IDE: variants seen among roughly 807,000 people sequenced by gnomAD.
IDE encodes insulin degrading enzyme.
A neutral mutation model predicts 133.2 loss-of-function variants in IDE; 58 were observed. The ratio of observed to expected loss-of-function variants is 0.44; its 90% CI spans 0.35 to 0.54. IDE has a LOEUF of 0.54. Ranked by LOEUF, IDE falls within the 20% of genes least tolerant of loss-of-function variation. The probability of loss-of-function intolerance (pLI) is 0.00; values close to 1 mark genes in which losing one functional copy is unlikely to be tolerated. For synonymous variants in IDE, 396 were observed against 421.3 expected, an observed-to-expected ratio of 0.94 and a Z score of 0.73; for missense variants, 981 against 1,234.0, an observed-to-expected ratio of 0.79 and a Z score of 3.07.
chr10:92,548,642 T>A (rs1479808694), intron 1 of IDE, among the ~76,000 whole-genome samples: 1 of 152,164 alleles, frequency 6.6e-6, no homozygotes, highest in Non-Finnish European at 1.5e-5. Flanking sequence ...TTACCAGCAT[T>A]CTTAACACAT....
At chr10:92,548,051 T>A (rs1267963752) in intron 1 of IDE, among the ~76,000 whole-genome samples, 4 of 152,112 alleles carry the variant, frequency 2.6e-5, no homozygotes, top group Non-Finnish European at 5.9e-5. Flanking sequence ...TGGCCTCATC[T>A]AGTTTTGACA....
intron 19 of IDE, among the ~76,000 whole-genome samples, chr10:92,468,486 G>A (rs1845804795): frequency 6.6e-6 from 1 of 152,054 alleles, no homozygotes; most frequent in Admixed American, 6.5e-5. Context: ...CTGCACCTGT[G>A]GGTTTCCTAA....
intron 1 of IDE, among the ~76,000 whole-genome samples, chr10:92,564,710 A>C (rs1242851502): frequency 2.5e-5 from 3 of 121,968 alleles, no homozygotes; most frequent in South Asian, 2.6e-4. Flanking sequence ...AAAAAAAAAA[A>C]CTGAAACTGT....
rs76587725 is a variant in IDE at position 92,470,298 on chromosome 10, G to C, written c.2164C>G (p.Arg722Gly). 1 of 1,605,890 alleles carries C rather than the reference G, an allele frequency of 6.2e-7. No homozygotes were observed. The highest frequency in any genetic ancestry group is 1.7e-5 in the Admixed American group (1 of 58,866). The change falls in exon 18 of 25, where the codon CGG (arginine) becomes GGG (glycine). Residue 722 changes from arginine to glycine, a missense_variant. Arg to Gly is a moderately radical substitution (Grantham distance 125). Coordinates refer to ENST00000265986, the MANE Select transcript of IDE (RefSeq NM_004969.4). The stretch of plus-strand genomic sequence containing the variant: ...TGGAGAAGGGCTTCAATGTGCAGCC[G>C]TGACAGGAGCTGAGGTATGAAGGCC... The part of the protein sequence containing the change: ...LKAFIPQLLS[R>G]LHIEALLHGN...
intron 1 of IDE, among the ~76,000 whole-genome samples, chr10:92,544,424 C>T (rs929732258): frequency 5.9e-5 from 9 of 152,130 alleles, no homozygotes; most frequent in African/African-American, 1.4e-4. Context: ...TCAGTCAGTG[C>T]TTGCATACTA....
intron 1 of IDE, among the ~76,000 whole-genome samples, chr10:92,566,396 C>T (rs1307285686): frequency 2.2e-5 from 3 of 135,964 alleles, no homozygotes; most frequent in Non-Finnish European, 3.1e-5. Flanking sequence ...CTATCTCTCT[C>T]TCTCTCTCTC....
intron 1 of IDE, among the ~76,000 whole-genome samples, chr10:92,565,285 G>C (rs144942223): frequency 9.4e-4 from 141 of 149,408 alleles, no homozygotes; most frequent in African/African-American, 3.4e-3. Flanking sequence ...TGGGCATGGT[G>C]GTGGGCACCT....
chr10:92,557,874 C>CAAAAAAAAAAAAAAAAAAAAAAAAAAA (rs3051565), intron 1 of IDE, among the ~76,000 whole-genome samples: 2 of 108,340 alleles, frequency 1.8e-5, no homozygotes, highest in Non-Finnish European at 3.6e-5. Flanking sequence ...GATTCCACCT[C>CAAAAAAAAAAAAAAAAAAAAAAAAAAA]AAAAAAAAAA....
chr10:92,490,137 C>T (rs1230767374), intron 12 of IDE, among the ~76,000 whole-genome samples: 2 of 152,248 alleles, frequency 1.3e-5, no homozygotes, highest in African/African-American at 2.4e-5. Flanking sequence ...CCTGTGTTCA[C>T]AGCAAGACTG....
chr10:92,549,690 T>C (rs1198990751), intron 1 of IDE, among the ~76,000 whole-genome samples: 1 of 151,942 alleles, frequency 6.6e-6, no homozygotes, highest in African/African-American at 2.4e-5. Flanking sequence ...ATATACTTGT[T>C]TAGGGAATAA....
rs74151649 is a variant in IDE, at chr10:92,546,131, A to C, written c.99-8581T>G. On this transcript the variant is annotated intron_variant, in intron 1 of 24. Coordinates refer to ENST00000265986, the MANE Select transcript of IDE (RefSeq NM_004969.4). ...TCTCACTAATATAGGGTTGAGTGAA[A>C]GAGGCTAGACACAAAAGAGTAAATA... Among the ~76,000 whole-genome samples the C allele has an allele frequency of 8.2e-3, 1,245 of 152,344 alleles. 19 individuals are homozygous for C. Among genetic ancestry groups the C allele is most frequent in the African/African-American group, 0.029 (1,187 of 41,574 alleles).
chr10:92,509,939 AC>A (rs1188327728), intron 6 of IDE, 110 bp downstream of exon 6: 458 of 548,104 alleles, frequency 8.4e-4, no homozygotes, highest in African/African-American at 5.1e-3. Flanking sequence ...AAAAAAAAAA[AC>A]ACAACATAAA....
chr10:92,501,266 G>T (rs2135510469), intron 11 of IDE, among the ~76,000 whole-genome samples: 1 of 148,142 alleles, frequency 6.8e-6, no homozygotes, highest in East Asian at 2.0e-4. Flanking sequence ...GGAGGCTGAG[G>T]CATGAGAATT....
At chr10:92,520,879 T>C (rs1589464232) in intron 4 of IDE, among the ~76,000 whole-genome samples, 2 of 152,126 alleles carry the variant, frequency 1.3e-5, no homozygotes, top group African/African-American at 4.8e-5. Context: ...AGAAAAAAGA[T>C]AGTAACAAAA....
chr10:92,467,595 G>A (rs1475658225), intron 19 of IDE, among the ~76,000 whole-genome samples: 2 of 152,220 alleles, frequency 1.3e-5, no homozygotes, highest in African/African-American at 2.4e-5. Context: ...CAGAAAGAGG[G>A]AAGTAGAGTC....
intron 4 of IDE, among the ~76,000 whole-genome samples, chr10:92,526,746 TG>T (rs1042003379): frequency 3.5e-5 from 5 of 144,638 alleles, no homozygotes; most frequent in Non-Finnish European, 6.0e-5. Context: ...CTTGGGAGGC[TG>T]GGGTAGGAGG....
chr10:92,530,226 CAATAAATA>C (rs200517884), intron 4 of IDE, among the ~76,000 whole-genome samples: 15 of 149,736 alleles, frequency 1.0e-4, no homozygotes, highest in South Asian at 4.2e-4. Flanking sequence ...GACTCCGTCT[CAATAAATA>C]AATAAATAAA....
At chr10:92,555,497 CAA>C (rs71306837) in intron 1 of IDE, among the ~76,000 whole-genome samples, 99 of 91,914 alleles carry the variant, frequency 1.1e-3, no homozygotes, top group African/African-American at 2.9e-3. Flanking sequence ...AACTTTGTCT[CAA>C]AAAAAAAAAA....
In IDE at chr10:92,506,556, C is replaced by T. The variant is rs899622440; in HGVS notation, c.1246-34G>A. On this transcript the variant is annotated intron_variant, in intron 9 of 24. Transcript: ENST00000265986. ...GAAAGTTAATCCAATTAGATACGGC[C>T]ACCCTTATTTAGAAACCTTTTTTTT... is the stretch of plus-strand genomic sequence containing the variant. 3 of 1,047,412 alleles carry T rather than the reference C, an allele frequency of 2.9e-6. No homozygotes were observed. In the African/African-American group the frequency reaches 4.8e-5, roughly 17 times the overall value. 64.9% of individuals were successfully genotyped at this position (1,047,412 alleles called of 1,614,324 possible). A position where few individuals can be genotyped will look rare whatever the true frequency, so the allele number is the denominator to read the frequency against.
Sources: gnomAD v4.1 joint callset for allele counts (sites outside exome capture counted in the v4.1 genomes callset) on GRCh38, gnomAD v4.1.1 for gene constraint, MANE v1.5 for transcripts, NCBI Gene and HGNC (gene_info 2026-07-23, HGNC 2026-07-21) for gene names.